ARHGEF26: variants seen among roughly 807,000 people sequenced by gnomAD.
The protein encoded by ARHGEF26 is Rho guanine nucleotide exchange factor (GEF) 26.
Under a neutral mutation model 89.4 loss-of-function variants are expected in ARHGEF26, and 59 were observed. The ratio of observed to expected loss-of-function variants is 0.66; its 90% CI spans 0.54 to 0.82. The LOEUF (loss-of-function observed/expected upper bound fraction) is 0.82. ARHGEF26 is among the 40% of genes least tolerant of loss of function. The pLI is 0.00. For missense variants in ARHGEF26, 1,234 were observed against 1,085.6 expected (o/e 1.14, Z -1.92); for synonymous variants, 500 against 428.4 (o/e 1.17, Z -2.06).
intron 11 of ARHGEF26, among the ~76,000 whole-genome samples, chr3:154,226,741 C>T (rs1404135731): frequency 6.6e-6 from 1 of 151,820 alleles, no homozygotes; most frequent in Non-Finnish European, 1.5e-5. Context: ...TTATTAAATG[C>T]ACCCAACACA....
In ARHGEF26 at chr3:154,191,381, C is replaced by G; in HGVS notation, c.1733C>G (p.Pro578Arg). The G allele has an allele frequency of 6.2e-7, 1 of 1,613,858 alleles. No individual in the cohort carries two copies. Among genetic ancestry groups the G allele is most frequent in the African/African-American group, 1.3e-5 (1 of 75,032 alleles). The change falls in exon 8 of 15, where the codon CCC (proline) becomes CGC (arginine). Residue 578 changes from proline to arginine, a missense_variant. Transcript: ENST00000465093. ...CCCATGATCTCTTTTCTCATTCTCCCCATGCAGAGGGTGACCCGCCTTCCC... is the reference window on the plus strand; with the variant it reads ...CCCATGATCTCTTTTCTCATTCTCCGCATGCAGAGGGTGACCCGCCTTCCC... ...NLPMISFLIL[P>R]MQRVTRLPLL...
chr3:154,236,462 C>T (rs1327542095), intron 11 of ARHGEF26, among the ~76,000 whole-genome samples: 1 of 152,222 alleles, frequency 6.6e-6, no homozygotes, highest in Non-Finnish European at 1.5e-5. Context: ...CTTCTCCATG[C>T]AAGGAAAGAT....
chr3:154,122,150 T>C lies in ARHGEF26; in HGVS notation c.158T>C (p.Val53Ala). 1 of 1,602,112 alleles carries C rather than the reference T, an allele frequency of 6.2e-7. No individual in the cohort carries two copies. The highest frequency in any genetic ancestry group is 8.5e-7 in the Non-Finnish European group (1 of 1,174,364). Reference protein sequence around the residue: ...PNGLLITDFPVEDGGTLLAAQ... With the variant: ...PNGLLITDFPAEDGGTLLAAQ... Reference sequence around the variant, plus strand: ...GGGTTACTAATTACGGATTTCCCGGTGGAGGACGGAGGGACGCTCCTCGCA... The same window carrying C: ...GGGTTACTAATTACGGATTTCCCGGCGGAGGACGGAGGGACGCTCCTCGCA... The change falls in exon 2 of 15, where the codon GTG (valine) becomes GCG (alanine). Residue 53 changes from valine (V) to alanine (A), a missense_variant. Physicochemically the swap from Val to Ala is moderately conservative, Grantham distance 64. Transcript: ENST00000465093.
At chr3:154,186,518 C>T (rs140596998) in intron 6 of ARHGEF26, among the ~76,000 whole-genome samples, 1,628 of 152,046 alleles carry the variant, frequency 0.011, 23 homozygotes, top group African/African-American at 0.037. Flanking sequence ...CCCAACACTT[C>T]GGGAAGCCAA....
rs1718565284 is a variant in ARHGEF26, at chr3:154,257,002, C to G, written c.*1529C>G. The G allele has an allele frequency of 6.6e-7, 1 of 1,509,150 alleles. No individual in the cohort carries two copies. The highest frequency in any genetic ancestry group is 8.8e-7 in the Non-Finnish European group (1 of 1,135,540). The allele number at this position is 1,509,150 out of a possible 1,614,324, so 93.5% of individuals were successfully genotyped here. The stretch of plus-strand genomic sequence containing the variant: ...TATTTGCTTTAACAAAGGGATAAAA[C>G]CTGGCAAAGTGTACATTATTGGAGG... On this transcript the variant is annotated 3_prime_UTR_variant, in exon 15 of 15. Transcript: ENST00000465093.
chr3:154,229,121 G>A (rs1035364884), intron 11 of ARHGEF26, among the ~76,000 whole-genome samples: 11 of 152,194 alleles, frequency 7.2e-5, no homozygotes, highest in African/African-American at 2.7e-4. Flanking sequence ...TTGTAAAGCT[G>A]GCTTGATGAG....
chr3:154,134,871 T>C (rs1718909272), intron 4 of ARHGEF26, among the ~76,000 whole-genome samples: 1 of 152,186 alleles, frequency 6.6e-6, no homozygotes, highest in Non-Finnish European at 1.5e-5. Flanking sequence ...GTTTATATGA[T>C]GAATAATATT....
At chr3:154,253,818 A>T (rs1718312518) in intron 13 of ARHGEF26, among the ~76,000 whole-genome samples, 2 of 152,216 alleles carry the variant, frequency 1.3e-5, no homozygotes, top group South Asian at 4.1e-4. Context: ...AAACATTGTT[A>T]TCCTGGAACA....
chr3:154,244,034 C>T (rs1717642793), intron 12 of ARHGEF26, among the ~76,000 whole-genome samples: 1 of 152,008 alleles, frequency 6.6e-6, no homozygotes, highest in Non-Finnish European at 1.5e-5. Flanking sequence ...TTTAGGTTTT[C>T]TTTCTTTTAT....
In ARHGEF26 at chr3:154,121,804, G is replaced by A. The variant is rs568554530; in HGVS notation, c.-51-138G>A. 1.2e-5 allele frequency: 9 copies of A among 748,108 alleles called. No homozygotes were observed. In the East Asian group the frequency reaches 2.5e-4, roughly 21 times the overall value. 46.3% of individuals were successfully genotyped at this position (748,108 alleles called of 1,614,324 possible). On this transcript the variant is annotated intron_variant, in intron 1 of 14. Transcript: ENST00000465093. ...CGCGCACCGCAGTGGTGCAGTTTTT[G>A]CCCGAGAAAGGGCGGGTAAGTGCGG...
intron 4 of ARHGEF26, among the ~76,000 whole-genome samples, chr3:154,146,507 C>T (rs1542254): frequency 0.88 from 134,617 of 152,224 alleles, 59,611 homozygotes; most frequent in East Asian, 1. Flanking sequence ...AACTAGACAG[C>T]ATCATATCCA....
chr3:154,254,315 G>GT (rs1176392414), intron 13 of ARHGEF26, among the ~76,000 whole-genome samples: 1 of 152,124 alleles, frequency 6.6e-6, no homozygotes, highest in East Asian at 1.9e-4. Context: ...ATGTGCTGCT[G>GT]TTGGGATGGG....
At chr3:154,212,341 CAA>C (rs59256396) in intron 9 of ARHGEF26, among the ~76,000 whole-genome samples, 1,933 of 138,028 alleles carry the variant, frequency 0.014, 25 homozygotes, top group African/African-American at 0.041. Flanking sequence ...GACCCTGTCT[CAA>C]AAAAAAAAAA....
At chr3:154,200,062 G>T (rs570527752) in intron 9 of ARHGEF26, among the ~76,000 whole-genome samples, 1 of 152,070 alleles carries the variant, frequency 6.6e-6, no homozygotes, top group Non-Finnish European at 1.5e-5. Context: ...CTTTTAACTT[G>T]TTGTGATCCC....
At position 154,122,731 on chromosome 3, in the gene ARHGEF26, A is replaced by AAGCAGC. The variant is rs1718057629; in HGVS notation, c.742_747dup (p.Gln248_Gln249dup). The AAGCAGC allele has an allele frequency of 6.2e-7, 1 of 1,613,170 alleles. No individual in the cohort carries two copies. The highest frequency in any genetic ancestry group is 1.3e-5 in the African/African-American group (1 of 74,906). ...CAGCCCCGCCGCCCTCAAAGTGGGG[A>AAGCAGC]AGCAGCAGATCATTCCGAAGAGTCT... On this transcript the variant is annotated inframe_insertion, in exon 2 of 15. Coordinates refer to ENST00000465093, the MANE Select transcript of ARHGEF26 (RefSeq NM_015595.4).
At chr3:154,214,002 G>A (rs922316621) in intron 9 of ARHGEF26, among the ~76,000 whole-genome samples, 15 of 152,064 alleles carry the variant, frequency 9.9e-5, no homozygotes, top group Admixed American at 2.6e-4. Flanking sequence ...ACAAGTAGGG[G>A]GATATAAATC....
chr3:154,158,773 G>A lies in ARHGEF26; in HGVS notation c.1487+5841G>A, dbSNP rs538153939. ...AAACATCACACATAGTATATACTTT[G>A]CATATTTTCATATTTCCTTTGATTT... On this transcript the variant is annotated intron_variant, in intron 6 of 14. Coordinates refer to ENST00000465093, the MANE Select transcript of ARHGEF26 (RefSeq NM_015595.4). Among the ~76,000 whole-genome samples, 11 of 132,678 alleles carry A rather than the reference G, an allele frequency of 8.3e-5. No homozygotes were observed. In the East Asian group the frequency reaches 2.6e-3, roughly 31 times the overall value. 87.0% of individuals were successfully genotyped at this position (132,678 alleles called of 152,430 possible). A position where few individuals can be genotyped will look rare whatever the true frequency, so the allele number is the denominator to read the frequency against.
intron 8 of ARHGEF26, among the ~76,000 whole-genome samples, chr3:154,192,829 T>G (rs1490325360): frequency 6.6e-6 from 1 of 152,220 alleles, no homozygotes; most frequent in African/African-American, 2.4e-5. Context: ...ATTTTATTCC[T>G]CTTTGAGAAT....
intron 6 of ARHGEF26, among the ~76,000 whole-genome samples, chr3:154,183,072 A>T (rs1713283188): frequency 6.6e-6 from 1 of 152,192 alleles, no homozygotes. Context: ...GGTGGACCTT[A>T]TATGTTTGGT....
Sources: allele counts gnomAD v4.1 joint callset (sites outside exome capture counted in the v4.1 genomes callset), GRCh38; gene constraint gnomAD v4.1.1; transcripts MANE v1.5; gene names NCBI Gene and HGNC (gene_info 2026-07-23, HGNC 2026-07-21).